Variants in LYPD6 observed in about 807,000 individuals in gnomAD.
LYPD6 encodes the protein ly6/PLAUR domain-containing protein 6.
Under a neutral mutation model 22.7 loss-of-function variants are expected in LYPD6, and 15 were observed. The observed-to-expected ratio is 0.66, with a 90% CI of 0.44 to 1.02. LYPD6 has a LOEUF of 1.02. Ranked by LOEUF, LYPD6 falls within the 50% of genes least tolerant of loss-of-function variation. The probability of loss-of-function intolerance (pLI) is 0.00; values close to 1 mark genes in which losing one functional copy is unlikely to be tolerated. For missense variants in LYPD6, 189 were observed against 208.4 expected (o/e 0.91, Z 0.57); for synonymous variants, 72 against 77.5 (o/e 0.93, Z 0.37).
the LYPD6 span, among the ~76,000 whole-genome samples, chr2:149,479,281 G>A: frequency 6.6e-6 from 1 of 152,206 alleles, no homozygotes; most frequent in African/African-American, 2.4e-5. Flanking sequence ...AGAGTTCCTC[G>A]AAATTTGGTG....
intron 1 of LYPD6, among the ~76,000 whole-genome samples, chr2:149,355,174 A>G (rs1244672506): frequency 6.6e-6 from 1 of 152,206 alleles, no homozygotes; most frequent in Non-Finnish European, 1.5e-5. Context: ...AGAGTTGTGT[A>G]TCAAGATGTG....
chr2:149,470,867 T>C lies in LYPD6; in HGVS notation c.*17T>C, dbSNP rs1289675983. The C allele has an allele frequency of 1.2e-6, 2 of 1,606,842 alleles. No homozygotes were observed. The highest frequency in any genetic ancestry group is 1.3e-5 in the African/African-American group (1 of 74,750). On this transcript the variant is annotated 3_prime_UTR_variant, in exon 5 of 5. Coordinates refer to ENST00000334166, the MANE Select transcript of LYPD6 (RefSeq NM_194317.5). ...ATGTTATAGTGGCTCAGTGGCTCCA[T>C]GTGTTAATAGCGATCCATGGGGATC...
intron 1 of LYPD6, among the ~76,000 whole-genome samples, chr2:149,331,080 C>G (rs1680928191): frequency 6.6e-6 from 1 of 152,180 alleles, no homozygotes; most frequent in African/African-American, 2.4e-5. Context: ...ATGCGTCCAC[C>G]AGGAACTCCA....
At chr2:149,359,061 A>G (rs572140929) in intron 1 of LYPD6, among the ~76,000 whole-genome samples, 14 of 152,340 alleles carry the variant, frequency 9.2e-5, no homozygotes, top group African/African-American at 3.4e-4. Context: ...GTAATTTTTC[A>G]GTATCAAATT....
At chr2:149,377,021 A>G (rs112521835) in intron 1 of LYPD6, among the ~76,000 whole-genome samples, 46 of 152,230 alleles carry the variant, frequency 3.0e-4, no homozygotes, top group African/African-American at 1.0e-3. Context: ...CTTCTGCTGT[A>G]TATGGTTATA....
chr2:149,379,143 C>G (rs1682002879), intron 1 of LYPD6, among the ~76,000 whole-genome samples: 2 of 152,140 alleles, frequency 1.3e-5, no homozygotes, highest in Admixed American at 1.3e-4. Flanking sequence ...GGCTGTGCAT[C>G]TGTGGTATGG....
chr2:149,344,939 T>C (rs563968555), intron 1 of LYPD6, among the ~76,000 whole-genome samples: 8 of 152,164 alleles, frequency 5.3e-5, no homozygotes, highest in Non-Finnish European at 1.2e-4. Context: ...GTCCACCTAC[T>C]TGGCAGGCTG....
chr2:149,470,743 G>A lies in LYPD6; in HGVS notation c.409G>A (p.Asp137Asn). The part of the protein sequence containing the change: ...CNLPLPRNET[D>N]ATFATTSPIN... ...CTTGCCACTGCCCCGAAATGAAACT[G>A]ATGCCACATTTGCCACGACGTCACC... The change falls in exon 5 of 5, where the codon GAT becomes AAT. Residue 137 changes from aspartate to asparagine, a missense_variant. Physicochemically the swap from Asp to Asn is conservative, Grantham distance 23. Coordinates refer to ENST00000334166, the MANE Select transcript of LYPD6 (RefSeq NM_194317.5). 1 of 1,613,796 alleles carries A rather than the reference G, an allele frequency of 6.2e-7. No individual in the cohort carries two copies. Among genetic ancestry groups the A allele is most frequent in the Non-Finnish European group, 8.5e-7 (1 of 1,179,800 alleles).
intron 1 of LYPD6, among the ~76,000 whole-genome samples, chr2:149,410,614 GA>G (rs796579152): frequency 1.1e-4 from 17 of 148,170 alleles, no homozygotes; most frequent in African/African-American, 3.5e-4. Context: ...CATGTCAATA[GA>G]AAAAAAAAAG....
intron 1 of LYPD6, among the ~76,000 whole-genome samples, chr2:149,404,067 G>T (rs1392112145): frequency 6.6e-6 from 1 of 151,958 alleles, no homozygotes. Context: ...ATTTCTGAAG[G>T]CTCTGTTCTG....
At chr2:149,403,846 T>A (rs1490174786) in intron 1 of LYPD6, among the ~76,000 whole-genome samples, 2 of 152,210 alleles carry the variant, frequency 1.3e-5, no homozygotes, top group East Asian at 3.8e-4. Context: ...GGTTTTCTTC[T>A]AGGGTTTTTA....
intron 1 of LYPD6, among the ~76,000 whole-genome samples, chr2:149,427,638 C>G: frequency 6.6e-6 from 1 of 152,202 alleles, no homozygotes; most frequent in Non-Finnish European, 1.5e-5. Context: ...TGCATAATGA[C>G]CGCATAATGA....
intron 3 of LYPD6, among the ~76,000 whole-genome samples, chr2:149,463,946 G>A (rs1421167270): frequency 1.3e-5 from 2 of 151,998 alleles, no homozygotes; most frequent in Admixed American, 1.3e-4. Flanking sequence ...GAGAAGTTCT[G>A]TATCTTGATT....
chr2:149,402,494 A>G (rs1231253716), intron 1 of LYPD6, among the ~76,000 whole-genome samples: 2 of 152,174 alleles, frequency 1.3e-5, no homozygotes, highest in Non-Finnish European at 2.9e-5. Flanking sequence ...ACTAGTTTAC[A>G]TTCCCACTAA....
chr2:149,354,554 A>G (rs1681417136), intron 1 of LYPD6, among the ~76,000 whole-genome samples: 1 of 152,146 alleles, frequency 6.6e-6, no homozygotes, highest in East Asian at 1.9e-4. Flanking sequence ...GGCACAGAGC[A>G]TCAACACATG....
At chr2:149,437,564 G>T in intron 1 of LYPD6, 74 bp from the exon 2 acceptor site, 2 of 1,303,050 alleles carry the variant, frequency 1.5e-6, no homozygotes, top group Non-Finnish European at 1.1e-6. Context: ...CATCTTACCA[G>T]CATGGGAGCT....
chr2:149,390,974 G>T (rs1682294849), intron 1 of LYPD6, among the ~76,000 whole-genome samples: 1 of 152,166 alleles, frequency 6.6e-6, no homozygotes, highest in African/African-American at 2.4e-5. Context: ...ATTTTATAGA[G>T]GAAGGACATG....
chr2:149,457,872 A>G (rs775822838), intron 3 of LYPD6, among the ~76,000 whole-genome samples: 13 of 152,228 alleles, frequency 8.5e-5, no homozygotes, highest in Admixed American at 7.9e-4. Flanking sequence ...AAGGAACAAC[A>G]CAGTGCTGAG....
At chr2:149,450,549 A>G (rs1683782766) in intron 3 of LYPD6, among the ~76,000 whole-genome samples, 1 of 152,222 alleles carries the variant, frequency 6.6e-6, no homozygotes, top group South Asian at 2.1e-4. Flanking sequence ...CAGGGCAGAG[A>G]AAAACATGGA....
Sources: gnomAD v4.1 joint callset for allele counts (sites outside exome capture counted in the v4.1 genomes callset) on GRCh38, gnomAD v4.1.1 for gene constraint, MANE v1.5 for transcripts, NCBI Gene and HGNC (gene_info 2026-07-23, HGNC 2026-07-21) for gene names.